The following ZCCHC10 variants were observed in gnomAD, a reference collection of about 807,000 sequenced individuals.
The protein encoded by ZCCHC10 is zinc finger CCHC domain-containing protein 10.
ZCCHC10 carries 16 observed loss-of-function variants against 19.5 expected under a neutral mutation model. The ratio of observed to expected loss-of-function variants is 0.82; its 90% CI spans 0.56 to 1.25. ZCCHC10 has a LOEUF of 1.25. ZCCHC10 is among the 50% of genes most tolerant of loss of function. ZCCHC10 has a pLI of 0.00. For missense variants in ZCCHC10, 197 were observed against 201.0 expected (o/e 0.98, Z 0.12); for synonymous variants, 67 against 72.5 (o/e 0.92, Z 0.38).
At chr5:132,998,928 C>G (rs1354855326) in intron 4 of ZCCHC10, 78 bp from the exon 5 acceptor site, 2 of 1,522,884 alleles carry the variant, frequency 1.3e-6, no homozygotes, top group Non-Finnish European at 1.8e-6. Flanking sequence ...TTTTTTTTTT[C>G]TTTTCGAGAC....
At chr5:133,018,342 C>A (rs1448718551) in intron 2 of ZCCHC10, among the ~76,000 whole-genome samples, 2 of 150,648 alleles carry the variant, frequency 1.3e-5, no homozygotes, top group East Asian at 1.9e-4. Flanking sequence ...GAGAAAAGGT[C>A]TCACTATGTT....
intron 3 of ZCCHC10, among the ~76,000 whole-genome samples, chr5:133,005,522 G>C (rs1561537209): frequency 6.6e-6 from 1 of 152,078 alleles, no homozygotes; most frequent in Non-Finnish European, 1.5e-5. Flanking sequence ...GCTGAGGTGG[G>C]AGAATTACTT....
At chr5:133,024,079 T>C (rs980010038) in intron 1 of ZCCHC10, among the ~76,000 whole-genome samples, 2 of 152,220 alleles carry the variant, frequency 1.3e-5, no homozygotes, top group Non-Finnish European at 2.9e-5. Flanking sequence ...AAGGTAAGAT[T>C]TGTCTTTTAC....
chr5:133,008,143 T>C (rs1054738818), intron 2 of ZCCHC10, among the ~76,000 whole-genome samples: 9 of 145,994 alleles, frequency 6.2e-5, no homozygotes, highest in African/African-American at 2.3e-4. Context: ...GAGAATGGTG[T>C]GAACCTGGGA....
intron 2 of ZCCHC10, among the ~76,000 whole-genome samples, chr5:133,017,175 T>C (rs78516896): frequency 6.6e-6 from 1 of 152,140 alleles, no homozygotes; most frequent in Non-Finnish European, 1.5e-5. Flanking sequence ...GGATGACCTC[T>C]GCAACCTGCT....
intron 3 of ZCCHC10, among the ~76,000 whole-genome samples, chr5:133,000,854 G>A (rs901862156): frequency 2.0e-5 from 3 of 151,444 alleles, no homozygotes; most frequent in Non-Finnish European, 4.4e-5. Flanking sequence ...TACTGGCCAG[G>A]CTGGTCTCAA....
rs79232838 is a variant in ZCCHC10 at position 133,013,637 on chromosome 5, G to T, written c.108-6717C>A. Among the ~76,000 whole-genome samples the T allele has an allele frequency of 0.015, 2,230 of 152,144 alleles. 239 individuals carry two copies. The East Asian group carries it at 0.29, about 20-fold the overall frequency. On this transcript the variant is annotated intron_variant, in intron 2 of 4. Transcript: ENST00000509437. ...CTTGGGAGGCTGAGGCAGGAGAATC[G>T]CTTGAACCCAGGTGGCGGATGCTGT...
chr5:133,015,994 T>G (rs919151203), intron 2 of ZCCHC10, among the ~76,000 whole-genome samples: 1 of 152,244 alleles, frequency 6.6e-6, no homozygotes. Flanking sequence ...TCTTTTAGTC[T>G]GAGGCTCAAA....
At chr5:133,013,498 C>A (rs1027381167) in intron 2 of ZCCHC10, among the ~76,000 whole-genome samples, 1 of 151,930 alleles carries the variant, frequency 6.6e-6, no homozygotes, top group African/African-American at 2.4e-5. Context: ...CTGAGGCGGG[C>A]AGATCACGAG....
Position 132,998,406 on chromosome 5 carries a change from T to C in ZCCHC10, c.*177A>G, listed in dbSNP as rs891301154. On this transcript the variant is annotated 3_prime_UTR_variant, in exon 5 of 5. Coordinates refer to ENST00000509437, the MANE Select transcript of ZCCHC10 (RefSeq NM_001300816.3). Reference sequence around the variant, plus strand: ...AAGATTCACCCTTCAAATAAAAGTCTCTCTCTATAAGCCATTATTAATATT... The same window carrying C: ...AAGATTCACCCTTCAAATAAAAGTCCCTCTCTATAAGCCATTATTAATATT... 1 of 538,172 alleles carries C rather than the reference T, an allele frequency of 1.9e-6. No individual in the cohort carries two copies. The highest frequency in any genetic ancestry group is 3.2e-6 in the Non-Finnish European group (1 of 312,660). The allele number at this position is 538,172 out of a possible 1,614,324, so 33.3% of individuals were successfully genotyped here. A position where few individuals can be genotyped will look rare whatever the true frequency, so the allele number is the denominator to read the frequency against.
chr5:133,011,338 C>T (rs1268132590), intron 2 of ZCCHC10: 1 of 151,566 alleles, frequency 6.6e-6, no homozygotes, highest in African/African-American at 2.4e-5. Context: ...CAAAAACAAA[C>T]CTTAGGCCAG....
At chr5:133,012,648 C>T (rs563343203) in intron 2 of ZCCHC10, among the ~76,000 whole-genome samples, 8 of 151,964 alleles carry the variant, frequency 5.3e-5, no homozygotes, top group Non-Finnish European at 1.0e-4. Flanking sequence ...GTCACAGTGG[C>T]TCATGCCTAT....
At chr5:133,025,710 T>C (rs1456282974) in intron 1 of ZCCHC10, among the ~76,000 whole-genome samples, 1 of 152,096 alleles carries the variant, frequency 6.6e-6, no homozygotes, top group Non-Finnish European at 1.5e-5. Context: ...GTATGACTGT[T>C]CCTTTTTCAT....
chr5:133,000,253 C>T (rs1581370368), intron 3 of ZCCHC10, 80 bp from the exon 4 acceptor site: 9 of 1,492,236 alleles, frequency 6.0e-6, no homozygotes, highest in Non-Finnish European at 7.4e-6. Context: ...TACTATCCCC[C>T]AAATCATTTT....
chr5:133,017,147 T>C (rs983909871), intron 2 of ZCCHC10, among the ~76,000 whole-genome samples: 10 of 151,794 alleles, frequency 6.6e-5, no homozygotes, highest in Non-Finnish European at 1.5e-5. Flanking sequence ...ACACCCTGCA[T>C]TGGACTTCCC....
At chr5:133,010,855 A>G (rs7731644) in intron 2 of ZCCHC10, among the ~76,000 whole-genome samples, 150,166 of 152,132 alleles carry the variant, frequency 0.99, 74,140 homozygotes, top group East Asian at 1. Flanking sequence ...GCAATGGCGC[A>G]ATCTCAGGTC....
intron 3 of ZCCHC10, among the ~76,000 whole-genome samples, chr5:133,004,058 T>C (rs567733217): frequency 1.3e-5 from 2 of 152,310 alleles, no homozygotes; most frequent in African/African-American, 4.8e-5. Flanking sequence ...TATGTATCTA[T>C]AAATAAATAT....
At chr5:133,016,045 T>C (rs1473582120) in intron 2 of ZCCHC10, among the ~76,000 whole-genome samples, 1 of 152,188 alleles carries the variant, frequency 6.6e-6, no homozygotes, top group Non-Finnish European at 1.5e-5. Context: ...TCAAGCTGGA[T>C]TATGTGTTCT....
At chr5:133,023,503 G>C (rs372703757) in intron 1 of ZCCHC10, among the ~76,000 whole-genome samples, 1 of 148,730 alleles carries the variant, frequency 6.7e-6, no homozygotes. Context: ...AGCCAGGTGC[G>C]GTGGCTCACA....
Sources: allele counts gnomAD v4.1 joint callset (sites outside exome capture counted in the v4.1 genomes callset), GRCh38; gene constraint gnomAD v4.1.1; transcripts MANE v1.5; gene names NCBI Gene and HGNC (gene_info 2026-07-23, HGNC 2026-07-21).